SNTG1: variants seen among roughly 807,000 people sequenced by gnomAD.
SNTG1 encodes syntrophin gamma 1.
SNTG1 carries 39 observed loss-of-function variants against 74.7 expected under a neutral mutation model. The observed-to-expected ratio is 0.52, with a 90% CI of 0.40 to 0.68. The LOEUF is 0.68. Among genes scored for constraint, SNTG1 ranks in the 30% least tolerant of loss-of-function variants. The pLI is 0.00. For synonymous variants in SNTG1, 254 were observed against 217.1 expected, an observed-to-expected ratio of 1.17 and a Z score of -1.49; for missense variants, 685 against 609.5, an observed-to-expected ratio of 1.12 and a Z score of -1.30.
At chr8:49,974,066 A>G (rs1811965111) in intron 1 of SNTG1, among the ~76,000 whole-genome samples, 1 of 152,164 alleles carries the variant, frequency 6.6e-6, no homozygotes, top group African/African-American at 2.4e-5. Context: ...TCACTTTTTT[A>G]TACTAGGAAG....
chr8:49,950,855 G>A (rs1395090016), intron 1 of SNTG1, among the ~76,000 whole-genome samples: 1 of 152,174 alleles, frequency 6.6e-6, no homozygotes, highest in Non-Finnish European at 1.5e-5. Flanking sequence ...TCACAGCTCT[G>A]AGACATGTGA....
chr8:50,286,559 C>T (rs531487067), intron 2 of SNTG1: 1 of 152,272 alleles, frequency 6.6e-6, no homozygotes, highest in South Asian at 2.1e-4. Flanking sequence ...CAAATTGTTA[C>T]CACATACCTG....
At chr8:50,092,199 C>A (rs903592666) in intron 1 of SNTG1, among the ~76,000 whole-genome samples, 2 of 152,156 alleles carry the variant, frequency 1.3e-5, no homozygotes, top group Non-Finnish European at 2.9e-5. Flanking sequence ...GAGGACATAG[C>A]AGGGACTTCA....
intron 16 of SNTG1, among the ~76,000 whole-genome samples, chr8:50,707,176 T>A (rs2095446110): frequency 6.6e-6 from 1 of 152,086 alleles, no homozygotes; most frequent in Non-Finnish European, 1.5e-5. Flanking sequence ...AAAATCTAAT[T>A]TAATTTGTAA....
intron 9 of SNTG1, among the ~76,000 whole-genome samples, chr8:50,516,840 G>T (rs1348979411): frequency 6.6e-6 from 1 of 152,182 alleles, no homozygotes; most frequent in Non-Finnish European, 1.5e-5. Flanking sequence ...AAAAGTGAAA[G>T]GGAGAATGAA....
chr8:50,585,822 T>G (rs1319977019), intron 12 of SNTG1, among the ~76,000 whole-genome samples: 7 of 152,178 alleles, frequency 4.6e-5, no homozygotes, highest in Admixed American at 3.3e-4. Flanking sequence ...TAATTTGCTT[T>G]ATTGATATTA....
intron 2 of SNTG1, among the ~76,000 whole-genome samples, chr8:50,322,369 T>C (rs961344107): frequency 6.6e-6 from 1 of 152,186 alleles, no homozygotes; most frequent in African/African-American, 2.4e-5. Context: ...TCTCCTGATC[T>C]AAAAGGCTTC....
At chr8:50,153,001 T>C (rs577674336) in intron 1 of SNTG1, among the ~76,000 whole-genome samples, 6 of 152,352 alleles carry the variant, frequency 3.9e-5, no homozygotes, top group Admixed American at 2.0e-4. Flanking sequence ...GAGGAGTGTT[T>C]TCCAACTTGG....
At chr8:49,983,705 C>T (rs1812886822) in intron 1 of SNTG1, among the ~76,000 whole-genome samples, 2 of 152,176 alleles carry the variant, frequency 1.3e-5, no homozygotes, top group African/African-American at 4.8e-5. Context: ...CCAGAGAGGG[C>T]TGGGATGGTG....
chr8:50,156,464 A>G (rs1157442919), intron 1 of SNTG1, among the ~76,000 whole-genome samples: 1 of 152,112 alleles, frequency 6.6e-6, no homozygotes, highest in Non-Finnish European at 1.5e-5. Flanking sequence ...TAGAAATCTA[A>G]GATTACTTCA....
intron 1 of SNTG1, among the ~76,000 whole-genome samples, chr8:50,072,377 GT>G (rs1821446780): frequency 6.6e-6 from 1 of 152,036 alleles, no homozygotes; most frequent in Non-Finnish European, 1.5e-5. Flanking sequence ...CATTTTACAC[GT>G]TATAAAATTG....
At chr8:49,993,207 G>A (rs919824066) in intron 1 of SNTG1, among the ~76,000 whole-genome samples, 4 of 152,108 alleles carry the variant, frequency 2.6e-5, no homozygotes, top group African/African-American at 9.7e-5. Flanking sequence ...GGGAGTACTG[G>A]CAGGTGCAAA....
At chr8:50,642,369 C>T (rs2095079039) in intron 13 of SNTG1, among the ~76,000 whole-genome samples, 3 of 152,120 alleles carry the variant, frequency 2.0e-5, no homozygotes, top group Non-Finnish European at 2.9e-5. Flanking sequence ...TCAAAACGCA[C>T]ATTAAATTCT....
chr8:50,583,422 A>G (rs2094624858), intron 12 of SNTG1, among the ~76,000 whole-genome samples: 1 of 151,782 alleles, frequency 6.6e-6, no homozygotes, highest in South Asian at 2.1e-4. Context: ...AAAGAAAGAA[A>G]ATACATGAGC....
At chr8:50,273,775 T>A (rs902089627) in intron 2 of SNTG1, among the ~76,000 whole-genome samples, 1 of 152,116 alleles carries the variant, frequency 6.6e-6, no homozygotes, top group African/African-American at 2.4e-5. Context: ...AGTTTTGGAC[T>A]GGTATGTTTG....
intron 17 of SNTG1, among the ~76,000 whole-genome samples, chr8:50,709,335 A>G (rs1184420805): frequency 6.6e-6 from 1 of 152,138 alleles, no homozygotes; most frequent in Non-Finnish European, 1.5e-5. Context: ...TTTATACTTT[A>G]CCTGCATCAA....
At chr8:50,732,870 A>G (rs960486850) in intron 17 of SNTG1, among the ~76,000 whole-genome samples, 4 of 152,026 alleles carry the variant, frequency 2.6e-5, no homozygotes, top group Non-Finnish European at 5.9e-5. Context: ...GGTTGTTAAC[A>G]AAAATAATTG....
At chr8:50,538,053 T>G (rs1311267638) in intron 11 of SNTG1, among the ~76,000 whole-genome samples, 2 of 152,314 alleles carry the variant, frequency 1.3e-5, no homozygotes, top group East Asian at 3.9e-4. Flanking sequence ...TTATAGTATT[T>G]TTGAGTATAT....
At chr8:50,473,994 C>G (rs1421249476) in intron 8 of SNTG1, among the ~76,000 whole-genome samples, 2 of 151,806 alleles carry the variant, frequency 1.3e-5, no homozygotes, top group African/African-American at 4.8e-5. Context: ...CCCACTGGCT[C>G]CACCACAGAG....
Sources: allele counts gnomAD v4.1 joint callset (sites outside exome capture counted in the v4.1 genomes callset), GRCh38; gene constraint gnomAD v4.1.1; transcripts MANE v1.5; gene names NCBI Gene and HGNC (gene_info 2026-07-23, HGNC 2026-07-21).